Variants in GLIS3 observed in about 807,000 individuals in gnomAD.
GLIS3 encodes the protein GLIS family zinc finger 3.
Under a neutral mutation model 78.6 loss-of-function variants are expected in GLIS3, and 53 were observed. The ratio of observed to expected loss-of-function variants is 0.67; its 90% CI spans 0.54 to 0.85. The LOEUF (loss-of-function observed/expected upper bound fraction) is 0.85. GLIS3 is among the 40% of genes least tolerant of loss of function. The pLI is 0.00. For synonymous variants in GLIS3, 684 were observed against 509.9 expected, an observed-to-expected ratio of 1.34 and a Z score of -4.60; for missense variants, 1,703 against 1,231.1, an observed-to-expected ratio of 1.38 and a Z score of -5.74.
chr9:4,219,835 C>G (rs532637955), intron 2 of GLIS3, among the ~76,000 whole-genome samples: 1 of 152,130 alleles, frequency 6.6e-6, no homozygotes, highest in Non-Finnish European at 1.5e-5. Context: ...CTACGTATTT[C>G]CTAGGTCTCC....
At position 4,170,909 on chromosome 9, in the gene GLIS3, G is replaced by A. The variant is rs146663504; in HGVS notation, c.389-44968C>T. 3.4e-3 allele frequency among the ~76,000 whole-genome samples: 510 copies of A among 152,206 alleles called. 4 individuals are homozygous for A. Among genetic ancestry groups the A allele is most frequent in the African/African-American group, 0.012 (489 of 41,524 alleles). ...AGAGACAGGCAGGAAACACAATGAA[G>A]TAGAAAATGTTGTCATTTCATTTCA... On this transcript the variant is annotated intron_variant, in intron 2 of 10. Transcript: ENST00000381971.
intron 2 of GLIS3, among the ~76,000 whole-genome samples, chr9:4,336,647 G>C (rs372201645): frequency 3.3e-5 from 5 of 152,190 alleles, no homozygotes; most frequent in African/African-American, 1.2e-4. Flanking sequence ...CAGAACTAGG[G>C]TTTAGACCCA....
At chr9:4,234,025 C>A (rs745788481) in intron 2 of GLIS3, among the ~76,000 whole-genome samples, 2 of 152,184 alleles carry the variant, frequency 1.3e-5, no homozygotes, top group Non-Finnish European at 2.9e-5. Flanking sequence ...CTTTGTAACA[C>A]TGAAGAGAGT....
At chr9:4,185,090 T>C (rs1817666896) in intron 2 of GLIS3, among the ~76,000 whole-genome samples, 1 of 152,188 alleles carries the variant, frequency 6.6e-6, no homozygotes, top group Non-Finnish European at 1.5e-5. Flanking sequence ...CCATGATACC[T>C]ATATATAGTT....
chr9:3,971,098 CGAAGGAAGGAAGGAAG>C lies in GLIS3; in HGVS notation c.1711-33925_1711-33910del, dbSNP rs1199655613. ...TTGAAGGAAGGAAGGAAGGATAGAT[CGAAGGAAGGAAGGAAG>C]GATCGAAGGAAGGAAGGAAGGAAGG... On this transcript the variant is annotated intron_variant, in intron 4 of 10. Transcript: ENST00000381971. Among the ~76,000 whole-genome samples, 12 of 44,914 alleles carry C rather than the reference CGAAGGAAGGAAGGAAG, an allele frequency of 2.7e-4. No individual in the cohort carries two copies. In the East Asian group the frequency reaches 8.3e-3, roughly 31 times the overall value. 29.5% of individuals were successfully genotyped at this position (44,914 alleles called of 152,430 possible).
intron 2 of GLIS3, among the ~76,000 whole-genome samples, chr9:4,251,137 C>T (rs536871901): frequency 6.6e-6 from 1 of 152,328 alleles, no homozygotes; most frequent in South Asian, 2.1e-4. Context: ...TGGTCCAGAG[C>T]TGAGTTCAAG....
At chr9:3,922,705 C>CA (rs1404600397) in intron 6 of GLIS3, among the ~76,000 whole-genome samples, 1 of 151,446 alleles carries the variant, frequency 6.6e-6, no homozygotes, top group Admixed American at 6.6e-5. Flanking sequence ...ACTCTGCTAC[C>CA]AAAAACACTT....
At chr9:4,452,856 A>T in the GLIS3 span, among the ~76,000 whole-genome samples, 1 of 152,306 alleles carries the variant, frequency 6.6e-6, no homozygotes, top group Admixed American at 6.5e-5. Flanking sequence ...TATAGCCGAG[A>T]CAACCCTAAG....
chr9:3,856,624 T>C (rs76091386), intron 8 of GLIS3, among the ~76,000 whole-genome samples: 22 of 152,344 alleles, frequency 1.4e-4, no homozygotes. Flanking sequence ...GTAAGATATA[T>C]CTGAGGTCCA....
rs987494189 is a variant in GLIS3 at position 4,286,542 on chromosome 9, G to A, written c.-98-19C>T. On this transcript the variant is annotated intron_variant, in intron 1 of 10. Transcript: ENST00000381971. ...TATAAGCCTGTTTAAAAAAATAAACGCAGGCATTTTTAAAAGCAAAAATGA... is the reference window on the plus strand; with the variant it reads ...TATAAGCCTGTTTAAAAAAATAAACACAGGCATTTTTAAAAGCAAAAATGA... 5.9e-5 allele frequency: 74 copies of A among 1,254,872 alleles called. No individual in the cohort carries two copies. The highest frequency in any genetic ancestry group is 3.9e-4 in the South Asian group (31 of 79,116). The allele number at this position is 1,254,872 out of a possible 1,614,324, so 77.7% of individuals were successfully genotyped here. A position where few individuals can be genotyped will look rare whatever the true frequency, so the allele number is the denominator to read the frequency against.
intron 9 of GLIS3, among the ~76,000 whole-genome samples, chr9:3,842,144 A>T (rs2130082749): frequency 6.6e-6 from 1 of 152,288 alleles, no homozygotes; most frequent in South Asian, 2.1e-4. Flanking sequence ...CCTCCCCTGA[A>T]ATCTGTGTGA....
intron 2 of GLIS3, among the ~76,000 whole-genome samples, chr9:4,178,072 C>A (rs902334371): frequency 6.6e-6 from 1 of 152,150 alleles, no homozygotes; most frequent in African/African-American, 2.4e-5. Context: ...TTCTCAAAAG[C>A]CCCACATTTC....
intron 4 of GLIS3, among the ~76,000 whole-genome samples, chr9:3,941,095 T>G (rs1815869947): frequency 6.6e-6 from 1 of 152,224 alleles, no homozygotes; most frequent in Non-Finnish European, 1.5e-5. Context: ...GATATTCTGA[T>G]GAACACTACT....
chr9:4,483,439 G>T, the GLIS3 span, among the ~76,000 whole-genome samples: 1 of 152,060 alleles, frequency 6.6e-6, no homozygotes, highest in Admixed American at 6.6e-5. Context: ...GGTGTTGGTG[G>T]CTGGGTGCGG....
the GLIS3 span, among the ~76,000 whole-genome samples, chr9:4,405,742 C>A: frequency 6.6e-6 from 1 of 151,876 alleles, no homozygotes; most frequent in Non-Finnish European, 1.5e-5. Context: ...TACCCTGATA[C>A]CAAAACCAGA....
the GLIS3 span, among the ~76,000 whole-genome samples, chr9:4,382,612 G>A: frequency 4.6e-5 from 7 of 152,066 alleles, no homozygotes; most frequent in Non-Finnish European, 2.9e-5. Context: ...CCAAACCTGA[G>A]TGATCATCAG....
In GLIS3 at chr9:4,044,569, C is replaced by T. The variant is rs76722626; in HGVS notation, c.1710+73199G>A. Among the ~76,000 whole-genome samples, 465 of 152,160 alleles carry T rather than the reference C, an allele frequency of 3.1e-3. 10 individuals are homozygous for T. The East Asian group carries it at 0.062, about 20-fold the overall frequency. ...CCATCTTATCCTATGTGGGAAAGAG[C>T]TTTTTGCTGGCCAGCACATGGAGTG... On this transcript the variant is annotated intron_variant, in intron 4 of 10. Transcript: ENST00000381971.
chr9:4,484,794 C>T, the GLIS3 span, among the ~76,000 whole-genome samples: 1 of 151,970 alleles, frequency 6.6e-6, no homozygotes, highest in African/African-American at 2.4e-5. Context: ...CAAAACTATC[C>T]CTTCCTCATT....
intron 4 of GLIS3, among the ~76,000 whole-genome samples, chr9:3,942,822 T>C (rs184919817): frequency 2.0e-5 from 3 of 152,136 alleles, no homozygotes; most frequent in Non-Finnish European, 4.4e-5. Flanking sequence ...ATTCTAGGGA[T>C]CATTAGGTCA....
Sources: gnomAD v4.1 joint callset for allele counts (sites outside exome capture counted in the v4.1 genomes callset) on GRCh38, gnomAD v4.1.1 for gene constraint, MANE v1.5 for transcripts, NCBI Gene and HGNC (gene_info 2026-07-23, HGNC 2026-07-21) for gene names.